CCND3: variants seen among roughly 807,000 people sequenced by gnomAD.
CCND3 encodes the protein G1/S-specific cyclin-D3.
CCND3 carries 9 observed loss-of-function variants against 28.7 expected under a neutral mutation model. The observed-to-expected ratio is 0.31, with a 90% CI of 0.19 to 0.55. The LOEUF (loss-of-function observed/expected upper bound fraction) is 0.55. Ranked by LOEUF, CCND3 falls within the 20% of genes least tolerant of loss-of-function variation. CCND3 has a pLI of 0.93. For missense variants in CCND3, 315 were observed against 385.8 expected, an observed-to-expected ratio of 0.82 and a Z score of 1.54; for synonymous variants, 164 against 163.9, an observed-to-expected ratio of 1.00 and a Z score of 0.00.
intron 1 of CCND3, among the ~76,000 whole-genome samples, chr6:42,035,776 C>T (rs1473617070): frequency 6.6e-6 from 1 of 150,688 alleles, no homozygotes; most frequent in Non-Finnish European, 1.5e-5. Context: ...CTCCAGGGTT[C>T]AAGCAATTCT....
Position 41,936,214 on chromosome 6 carries a change from A to G in CCND3, c.712-107T>C, listed in dbSNP as rs1582080794. 6 of 1,248,886 alleles carry G rather than the reference A, an allele frequency of 4.8e-6. No individual in the cohort carries two copies. The Admixed American group carries it at 1.2e-4, about 25-fold the overall frequency. The allele number at this position is 1,248,886 out of a possible 1,614,324, so 77.4% of individuals were successfully genotyped here. A position where few individuals can be genotyped will look rare whatever the true frequency, so the allele number is the denominator to read the frequency against. On this transcript the variant is annotated intron_variant, in intron 4 of 4. Transcript: ENST00000372991. The surrounding 1 kb of genome is among the most constrained non-coding windows in gnomAD (Gnocchi z 4.4). ...ACACATGGGGAAGTCTGGGGAGGTT[A>G]GGCCACAGCCCGGCCCCAGGAATCG...
intron 1 of CCND3, among the ~76,000 whole-genome samples, chr6:41,982,808 G>C (rs1249068147): frequency 6.9e-6 from 1 of 145,162 alleles, no homozygotes; most frequent in Non-Finnish European, 1.5e-5. Flanking sequence ...TTTGACAAAG[G>C]AGCAAAGGCA....
intron 1 of CCND3, among the ~76,000 whole-genome samples, chr6:41,964,457 T>C (rs1027430895): frequency 1.7e-4 from 14 of 83,534 alleles, no homozygotes; most frequent in Admixed American, 9.1e-4. Context: ...TGTGAGTCTG[T>C]GTGTGAGTGT....
At chr6:42,042,710 T>C (rs1404525440) in intron 1 of CCND3, among the ~76,000 whole-genome samples, 2 of 152,122 alleles carry the variant, frequency 1.3e-5, no homozygotes, top group Non-Finnish European at 2.9e-5. Flanking sequence ...TCAGTTTCCT[T>C]ATGTATAAGA....
intron 1 of CCND3, among the ~76,000 whole-genome samples, chr6:41,987,295 T>C (rs1762504478): frequency 6.6e-6 from 1 of 152,066 alleles, no homozygotes; most frequent in Non-Finnish European, 1.5e-5. Context: ...AATACTTCAG[T>C]GATACCTTGG....
chr6:41,937,868 C>CGGCGA, intron 2 of CCND3: 1 of 171,220 alleles, frequency 5.8e-6, no homozygotes, highest in South Asian at 1.2e-4. Flanking sequence ...AACTCTGCAT[C>CGGCGA]CCAGCCAAGT....
chr6:41,968,386 C>A (rs1339766808), intron 1 of CCND3, among the ~76,000 whole-genome samples: 2 of 151,838 alleles, frequency 1.3e-5, no homozygotes, highest in Non-Finnish European at 2.9e-5. Flanking sequence ...TTTTTTAATT[C>A]TATGGAAAAT....
rs932265555 is a variant in CCND3, at chr6:42,048,906, G to T, written c.-451C>A. 3.8e-6 allele frequency: 1 copy of T among 260,548 alleles called. No individual in the cohort carries two copies. Among genetic ancestry groups the T allele is most frequent in the Non-Finnish European group, 7.4e-6 (1 of 134,450 alleles). 16.1% of individuals were successfully genotyped at this position (260,548 alleles called of 1,614,324 possible). On this transcript the variant is annotated 5_prime_UTR_variant, in exon 1 of 5. Transcript: ENST00000372988. The surrounding 1 kb of genome is among the most constrained non-coding windows in gnomAD (Gnocchi z 4.7). ...CACGCGGCATAGGTGCGGGGGCGGG[G>T]CGCCACGGAGGCTCAGGTGTGGGCG...
At chr6:41,994,774 C>G (rs977399673) in intron 1 of CCND3, among the ~76,000 whole-genome samples, 1 of 151,968 alleles carries the variant, frequency 6.6e-6, no homozygotes, top group Admixed American at 6.6e-5. Context: ...CAAATCTACT[C>G]TAAAAAAATA....
Position 41,939,784 on chromosome 6 carries a change from G to C in CCND3, c.414+586C>G, listed in dbSNP as rs1775930321. Among the ~76,000 whole-genome samples, 1 of 152,170 alleles carries C rather than the reference G, an allele frequency of 6.6e-6. No homozygotes were observed. Among genetic ancestry groups the C allele is most frequent in the Admixed American group, 6.5e-5 (1 of 15,276 alleles). On this transcript the variant is annotated intron_variant, in intron 2 of 4. Transcript: ENST00000372991. This position sits in a 1 kb window ranked among gnomAD's most constrained non-coding sequence, Gnocchi z 4.2. Reference sequence around the variant, plus strand: ...GTTCCTCAGAATGAGGACGAGGAAGGATTAGGAAGAAGCTGTTTCTTCCGG... The same window carrying C: ...GTTCCTCAGAATGAGGACGAGGAAGCATTAGGAAGAAGCTGTTTCTTCCGG...
intron 1 of CCND3, among the ~76,000 whole-genome samples, chr6:42,029,712 C>T (rs1026391398): frequency 1.3e-5 from 2 of 152,080 alleles, no homozygotes; most frequent in African/African-American, 4.8e-5. Context: ...TGGTGCATGC[C>T]TGTAATCCCA....
chr6:41,964,986 T>G (rs1205849957), intron 1 of CCND3, among the ~76,000 whole-genome samples: 2 of 150,920 alleles, frequency 1.3e-5, no homozygotes, highest in African/African-American at 4.9e-5. Flanking sequence ...TCATGGAAGG[T>G]GTTTCTATTT....
intron 1 of CCND3, among the ~76,000 whole-genome samples, chr6:42,025,985 C>T (rs978039662): frequency 2.0e-5 from 3 of 152,170 alleles, no homozygotes; most frequent in Non-Finnish European, 4.4e-5. Flanking sequence ...GCCTGTCAGC[C>T]TCTAGCCACA....
chr6:41,940,898 A>G, intron 1 of CCND3: 7 of 1,506,300 alleles, frequency 4.6e-6, no homozygotes, highest in Non-Finnish European at 6.5e-6. Context: ...AGGGTCACCC[A>G]TGGTAGCCAG....
intron 1 of CCND3, among the ~76,000 whole-genome samples, chr6:41,953,032 G>A (rs1213156785): frequency 6.6e-6 from 1 of 152,150 alleles, no homozygotes. Context: ...AGCACTTTGG[G>A]AGGCCGAGCC....
intron 1 of CCND3, among the ~76,000 whole-genome samples, chr6:42,001,002 G>A (rs1410921443): frequency 4.0e-5 from 6 of 151,738 alleles, no homozygotes; most frequent in Non-Finnish European, 7.4e-5. Flanking sequence ...TTGGGAGGCC[G>A]AGGCGGGCAG....
At chr6:42,000,682 C>T (rs1762982185) in intron 1 of CCND3, among the ~76,000 whole-genome samples, 1 of 147,414 alleles carries the variant, frequency 6.8e-6, no homozygotes, top group South Asian at 2.2e-4. Context: ...ATTCCCCTGC[C>T]TCAGCCTCCC....
rs137887946 is a variant in CCND3 at position 41,961,544 on chromosome 6, G to T, written c.-45-20959C>A. Among the ~76,000 whole-genome samples, 224 of 152,204 alleles carry T rather than the reference G, an allele frequency of 1.5e-3. 3 individuals are homozygous for T. The highest frequency in any genetic ancestry group is 0.014 in the Middle Eastern group (4 of 294). On this transcript the variant is annotated intron_variant, in intron 1 of 4. Coordinates refer to the CCND3 transcript ENST00000372988. ...ATAGCGCCACTGCACTCCAGCCTGG[G>T]TGACAGAGTGAGACTCTGTCTCAAA...
rs1021567233 is a variant in CCND3, at chr6:41,936,257, A to G, written c.712-150T>C. 11 of 849,262 alleles carry G rather than the reference A, an allele frequency of 1.3e-5. No homozygotes were observed. The highest frequency in any genetic ancestry group is 1.7e-5 in the African/African-American group (1 of 58,522). 52.6% of individuals were successfully genotyped at this position (849,262 alleles called of 1,614,324 possible). ...AGGAATCGCTCTTTAGTTCTCAGAA[A>G]CTAGCAAGAGGATGTGGCAAGGGAG... On this transcript the variant is annotated intron_variant, in intron 4 of 4. Coordinates refer to ENST00000372991, the MANE Select transcript of CCND3 (RefSeq NM_001760.5). This position sits in a 1 kb window ranked among gnomAD's most constrained non-coding sequence, Gnocchi z 4.4.
Sources: allele counts gnomAD v4.1 joint callset (sites outside exome capture counted in the v4.1 genomes callset), GRCh38; gene constraint gnomAD v4.1.1; non-coding constraint Gnocchi (gnomAD v3.1); transcripts MANE v1.5; gene names NCBI Gene and HGNC (gene_info 2026-07-23, HGNC 2026-07-21).